Variants in CYP19A1 observed in about 807,000 individuals in gnomAD.
CYP19A1 encodes cytochrome P450 family 19 subfamily A member 1, also known as aromatase.
Under a neutral mutation model 44.4 loss-of-function variants are expected in CYP19A1, and 32 were observed. That is an observed-to-expected ratio of 0.72 (90% CI 0.54 to 0.97). The LOEUF (loss-of-function observed/expected upper bound fraction) is 0.97. CYP19A1 is among the 50% of genes least tolerant of loss of function. CYP19A1 has a pLI of 0.00. For missense variants in CYP19A1, 598 were observed against 637.8 expected (o/e 0.94, Z 0.67); for synonymous variants, 212 against 215.6 (o/e 0.98, Z 0.14).
intron 3 of CYP19A1, among the ~76,000 whole-genome samples, chr15:51,234,038 T>C (rs924425782): frequency 6.6e-5 from 10 of 152,056 alleles, no homozygotes; most frequent in African/African-American, 2.4e-4. Flanking sequence ...CCATAATTTC[T>C]ACACAGTTGT....
intron 5 of CYP19A1, among the ~76,000 whole-genome samples, chr15:51,220,171 G>T (rs921830689): frequency 7.2e-5 from 11 of 152,136 alleles, no homozygotes; most frequent in Non-Finnish European, 1.6e-4. Flanking sequence ...CCTGTGGCTT[G>T]TGGCCTCACT....
chr15:51,260,433 C>T (rs2034671706), intron 1 of CYP19A1, among the ~76,000 whole-genome samples: 1 of 152,074 alleles, frequency 6.6e-6, no homozygotes, highest in Admixed American at 6.6e-5. Context: ...TAAAGCAGGC[C>T]CACACAGATA....
intron 1 of CYP19A1, among the ~76,000 whole-genome samples, chr15:51,324,575 T>C (rs1028298892): frequency 5.9e-5 from 9 of 152,216 alleles, no homozygotes; most frequent in African/African-American, 2.2e-4. Flanking sequence ...TGGTTGAGAA[T>C]GAAATGGCAA....
At chr15:51,261,979 TAAACTGGCCCCA>T (rs1427538320) in intron 1 of CYP19A1, among the ~76,000 whole-genome samples, 2 of 152,178 alleles carry the variant, frequency 1.3e-5, no homozygotes, top group East Asian at 1.9e-4. Context: ...AATCTGGCCA[TAAACTGGCCCCA>T]AAACTGGCCA....
chr15:51,293,944 A>G (rs1219538091), intron 1 of CYP19A1: 5 of 214,544 alleles, frequency 2.3e-5, no homozygotes, highest in East Asian at 1.6e-4. Flanking sequence ...TGGCCTCCCA[A>G]TGTGCCAAGA....
At chr15:51,234,005 C>G (rs953294444) in intron 3 of CYP19A1, among the ~76,000 whole-genome samples, 1 of 151,776 alleles carries the variant, frequency 6.6e-6, no homozygotes, top group Non-Finnish European at 1.5e-5. Flanking sequence ...TACTTTGGGA[C>G]GAAGCTGGTT....
At chr15:51,265,802 G>A (rs2034895908) in intron 1 of CYP19A1, among the ~76,000 whole-genome samples, 2 of 152,206 alleles carry the variant, frequency 1.3e-5, no homozygotes, top group African/African-American at 4.8e-5. Flanking sequence ...CCACAGGGCA[G>A]GGGCTCTCCG....
At chr15:51,225,212 T>C (rs541192390) in intron 4 of CYP19A1, among the ~76,000 whole-genome samples, 1 of 152,200 alleles carries the variant, frequency 6.6e-6, no homozygotes, top group Non-Finnish European at 1.5e-5. Flanking sequence ...CATTGTATCT[T>C]GGTACCTAGT....
chr15:51,267,667 C>T (rs1346198480), intron 1 of CYP19A1, among the ~76,000 whole-genome samples: 1 of 152,264 alleles, frequency 6.6e-6, no homozygotes, highest in Non-Finnish European at 1.5e-5. Flanking sequence ...CTCAAGCATC[C>T]ACTGTGTTAT....
At chr15:51,314,828 C>T (rs2036391929) in intron 1 of CYP19A1, among the ~76,000 whole-genome samples, 1 of 152,206 alleles carries the variant, frequency 6.6e-6, no homozygotes, top group Non-Finnish European at 1.5e-5. Flanking sequence ...CAGCCTCTGT[C>T]TTTGTTTCTT....
At chr15:51,213,892 C>G (rs980759631) in intron 8 of CYP19A1, among the ~76,000 whole-genome samples, 1 of 152,162 alleles carries the variant, frequency 6.6e-6, no homozygotes, top group Non-Finnish European at 1.5e-5. Context: ...GCACCTGGCA[C>G]AGAACCTGAG....
intron 1 of CYP19A1, among the ~76,000 whole-genome samples, chr15:51,328,420 A>G (rs1348011862): frequency 6.6e-6 from 1 of 152,152 alleles, no homozygotes; most frequent in African/African-American, 2.4e-5. Context: ...CATCCACTAA[A>G]TGTCAATGGC....
rs2141033936 is a variant in CYP19A1, at chr15:51,212,381, A to G, written c.1202T>C (p.Met401Thr). The G allele has an allele frequency of 6.3e-7, 1 of 1,590,780 alleles. No individual in the cohort carries two copies. The highest frequency in any genetic ancestry group is 8.6e-7 in the Non-Finnish European group (1 of 1,158,644). Residue 401 changes from methionine to threonine, a missense_variant, in exon 9 of 10, where the codon ATG (methionine) becomes ACG (threonine). Coordinates refer to ENST00000396402, the MANE Select transcript of CYP19A1 (RefSeq NM_000103.4). ...TTTGGGGAAAAACTCGAGTCTGTGC[A>G]TCCTTCCAATATTCAGGATAATGTT... The part of the protein sequence containing the change: ...GTNIILNIGR[M>T]HRLEFFPKPN...
chr15:51,306,469 A>T (rs1023349993), intron 1 of CYP19A1, among the ~76,000 whole-genome samples: 10 of 151,956 alleles, frequency 6.6e-5, no homozygotes, highest in African/African-American at 2.4e-4. Context: ...ATTCAGAGGG[A>T]CTATTTCTTT....
At chr15:51,223,554 C>T (rs920929285) in intron 4 of CYP19A1, among the ~76,000 whole-genome samples, 2 of 145,922 alleles carry the variant, frequency 1.4e-5, no homozygotes, top group South Asian at 2.2e-4. Context: ...GAAGACTATC[C>T]TCTCTCTCTC....
At chr15:51,326,180 C>T (rs1227934964) in intron 1 of CYP19A1, among the ~76,000 whole-genome samples, 1 of 152,118 alleles carries the variant, frequency 6.6e-6, no homozygotes, top group East Asian at 1.9e-4. Flanking sequence ...CAAATGTTCC[C>T]AGTTTGATTA....
chr15:51,330,471 T>C (rs2036682401), intron 1 of CYP19A1, among the ~76,000 whole-genome samples: 1 of 152,124 alleles, frequency 6.6e-6, no homozygotes, highest in Non-Finnish European at 1.5e-5. Flanking sequence ...AATAAAGTGA[T>C]AAAAAATAAA....
intron 1 of CYP19A1, among the ~76,000 whole-genome samples, chr15:51,302,712 A>G (rs1011284768): frequency 1.3e-5 from 2 of 152,174 alleles, no homozygotes; most frequent in African/African-American, 2.4e-5. Flanking sequence ...GTCCCCTGCC[A>G]TCTTTCGAGG....
chr15:51,269,780 C>A (rs768309073), intron 1 of CYP19A1, among the ~76,000 whole-genome samples: 2 of 152,214 alleles, frequency 1.3e-5, no homozygotes, highest in Admixed American at 1.3e-4. Context: ...CAGAGCTATA[C>A]TGTTGTCTGA....
Sources: gnomAD v4.1 joint callset for allele counts (sites outside exome capture counted in the v4.1 genomes callset) on GRCh38, gnomAD v4.1.1 for gene constraint, MANE v1.5 for transcripts, NCBI Gene and HGNC (gene_info 2026-07-23, HGNC 2026-07-21) for gene names.